HDAC4: variants seen among roughly 807,000 people sequenced by gnomAD.
The protein encoded by HDAC4 is histone deacetylase 4, also known as histone deacetylase A.
In HDAC4, 16 loss-of-function variants were observed where a neutral mutation model predicts 135.1. The observed-to-expected ratio is 0.12, with a 90% CI of 0.08 to 0.18. The LOEUF (loss-of-function observed/expected upper bound fraction) is 0.18. Among genes scored for constraint, HDAC4 ranks in the 10% least tolerant of loss-of-function variants. The pLI is 1.00. For synonymous variants in HDAC4, 685 were observed against 653.4 expected, an observed-to-expected ratio of 1.05 and a Z score of -0.74; for missense variants, 1,143 against 1,511.8, an observed-to-expected ratio of 0.76 and a Z score of 4.05.
At chr2:239,288,966 G>T (rs2051301630) in intron 2 of HDAC4, among the ~76,000 whole-genome samples, 1 of 152,182 alleles carries the variant, frequency 6.6e-6, no homozygotes. Context: ...GAGGAGCTGG[G>T]ACAATTGCAG....
At chr2:239,156,226 C>T (rs1467905919) in intron 7 of HDAC4, among the ~76,000 whole-genome samples, 2 of 152,210 alleles carry the variant, frequency 1.3e-5, no homozygotes, top group African/African-American at 2.4e-5. Context: ...CTCTGGGGAC[C>T]TGGAAGGCCC....
chr2:239,163,139 G>A (rs2152969042), intron 6 of HDAC4, among the ~76,000 whole-genome samples: 1 of 152,230 alleles, frequency 6.6e-6, no homozygotes, highest in Admixed American at 6.5e-5. Flanking sequence ...TCAGTCCTCA[G>A]ACGAACAAGC....
upstream of HDAC4, chr2:239,401,434 C>G (rs1575819285): frequency 2.5e-5 from 4 of 161,782 alleles, no homozygotes; most frequent in African/African-American, 7.2e-5. Flanking sequence ...CCGCTGGGTG[C>G]TTCGCGGTTG....
At chr2:239,179,813 C>T (rs897921552) in intron 4 of HDAC4, among the ~76,000 whole-genome samples, 2 of 152,252 alleles carry the variant, frequency 1.3e-5, no homozygotes, top group East Asian at 1.9e-4. Context: ...GCCCACGCGG[C>T]GTGCTCAGGG....
intron 2 of HDAC4, chr2:239,298,116 A>T: frequency 1.0e-6 from 1 of 966,398 alleles, no homozygotes; most frequent in Non-Finnish European, 1.4e-6. Flanking sequence ...AAAAAAAATT[A>T]ATGGACTAAA....
chr2:239,324,203 T>C (rs959138135), intron 2 of HDAC4, among the ~76,000 whole-genome samples: 3 of 152,108 alleles, frequency 2.0e-5, no homozygotes, highest in Non-Finnish European at 4.4e-5. Flanking sequence ...AATCCTGAAT[T>C]TGAAACCCAA....
At chr2:239,351,666 G>A (rs1436491151) in intron 2 of HDAC4, 7 of 154,394 alleles carry the variant, frequency 4.5e-5, no homozygotes, top group Middle Eastern at 1.0e-3. Flanking sequence ...AGACAAAGAC[G>A]ATTCCACCCA....
rs1455660198 is a variant in HDAC4, at chr2:239,126,568, G to A, written c.1421C>T (p.Pro474Leu). The change falls in exon 12 of 27, where the codon CCG becomes CTG. Residue 474 changes from proline to leucine, a missense_variant. Physicochemically the swap from Pro to Leu is moderately conservative, Grantham distance 98 (BLOSUM62 -3). Coordinates refer to ENST00000543185, the MANE Select transcript of HDAC4 (RefSeq NM_001378414.1). ...CAGAGCCTGGGCGTTCTGGGGCAGCGGGGCCGACTGGGTCCGCCCCAGTGG... is the reference window on the plus strand; with the variant it reads ...CAGAGCCTGGGCGTTCTGGGGCAGCAGGGCCGACTGGGTCCGCCCCAGTGG... ...HRPLGRTQSA[P>L]LPQNAQALQH... 6.2e-7 allele frequency: 1 copy of A among 1,613,806 alleles called. No homozygotes were observed. The highest frequency in any genetic ancestry group is 8.5e-7 in the Non-Finnish European group (1 of 1,179,972).
Position 239,068,629 on chromosome 2 carries a change from G to A in HDAC4, c.2751-22C>T, listed in dbSNP as rs374681513. ...CGTTCTGCAAAGGACAGGAGAAGGCGTTACTGGGTCAGCTGAAAGAGGGAC... is the reference window on the plus strand; with the variant it reads ...CGTTCTGCAAAGGACAGGAGAAGGCATTACTGGGTCAGCTGAAAGAGGGAC... On this transcript the variant is annotated intron_variant, in intron 22 of 26. Transcript: ENST00000543185. This position sits in a 1 kb window ranked among gnomAD's most constrained non-coding sequence, Gnocchi z 4.4. 53 of 1,589,220 alleles carry A rather than the reference G, an allele frequency of 3.3e-5. No homozygotes were observed. The highest frequency in any genetic ancestry group is 6.7e-5 in the African/African-American group (5 of 74,462).
At chr2:239,156,474 T>C (rs1442833822) in intron 7 of HDAC4, among the ~76,000 whole-genome samples, 178 bp downstream of exon 7, 2 of 152,232 alleles carry the variant, frequency 1.3e-5, no homozygotes, top group South Asian at 2.1e-4. Context: ...AAATAAATAA[T>C]AAGGAAATGT....
At position 239,050,198 on chromosome 2, in the gene HDAC4, C is replaced by T. The variant is rs2030626117; in HGVS notation, c.*2899G>A. 1 of 152,510 alleles carries T rather than the reference C, an allele frequency of 6.6e-6. No homozygotes were observed. Among genetic ancestry groups the T allele is most frequent in the Non-Finnish European group, 1.5e-5 (1 of 68,086 alleles). The allele number at this position is 152,510 out of a possible 1,614,324, so 9.4% of individuals were successfully genotyped here. The stretch of plus-strand genomic sequence containing the variant: ...GACAGATGAAACGTGCCTCCCCCTG[C>T]CAGGCCTTTGCAGAGGGCGTCTCCA... On this transcript the variant is annotated 3_prime_UTR_variant, in exon 27 of 27. Transcript: ENST00000543185.
chr2:239,276,372 G>C (rs2050366005), intron 2 of HDAC4, among the ~76,000 whole-genome samples: 1 of 152,246 alleles, frequency 6.6e-6, no homozygotes, highest in African/African-American at 2.4e-5. Flanking sequence ...CCAGCTCCCT[G>C]TGTCTGGACC....
chr2:239,369,077 G>C (rs532202957), intron 1 of HDAC4, among the ~76,000 whole-genome samples: 2 of 152,152 alleles, frequency 1.3e-5, no homozygotes, highest in African/African-American at 4.8e-5. Context: ...ACAGGCAGTG[G>C]ACAGGCTCGC....
At chr2:239,070,284 G>A (rs948875769) in intron 22 of HDAC4, among the ~76,000 whole-genome samples, 6 of 152,170 alleles carry the variant, frequency 3.9e-5, no homozygotes, top group Non-Finnish European at 8.8e-5. Flanking sequence ...ATCTTTAAAG[G>A]GAAAACTGAT....
intron 1 of HDAC4, among the ~76,000 whole-genome samples, chr2:239,354,967 TC>T (rs1298822991): frequency 6.6e-6 from 1 of 152,028 alleles, no homozygotes; most frequent in Non-Finnish European, 1.5e-5. Context: ...TGGATGTCAT[TC>T]CCCCCTCAAC....
chr2:239,254,701 TG>T (rs1559290012), intron 2 of HDAC4, among the ~76,000 whole-genome samples: 1 of 152,056 alleles, frequency 6.6e-6, no homozygotes, highest in Non-Finnish European at 1.5e-5. Context: ...TCCTAAAGAA[TG>T]GAAAAAATGT....
In HDAC4 at chr2:239,358,595, C is replaced by T. The variant is rs141478486; in HGVS notation, c.-219-5677G>A. Among the ~76,000 whole-genome samples, 13 of 152,286 alleles carry T rather than the reference C, an allele frequency of 8.5e-5. No individual in the cohort carries two copies. In the East Asian group the frequency reaches 1.7e-3, roughly 20 times the overall value. ...CACGCAGGGCCCTCTCAGCAGGCAG[C>T]GCGCGTAGGGACTCACTCACACCTC... On this transcript the variant is annotated intron_variant, in intron 1 of 26. Transcript: ENST00000543185.
intron 2 of HDAC4, among the ~76,000 whole-genome samples, chr2:239,310,400 G>A (rs758124080): frequency 1.1e-4 from 17 of 152,120 alleles, no homozygotes; most frequent in African/African-American, 2.9e-4. Context: ...GCTCCCCCCC[G>A]AACCAAGTAT....
intron 6 of HDAC4, chr2:239,162,238 C>T (rs761852118): frequency 4.0e-4 from 181 of 456,536 alleles, no homozygotes; most frequent in Admixed American, 2.3e-4. Context: ...TCTCAAAGCT[C>T]GCTTGCTCGG....
Sources: allele counts gnomAD v4.1 joint callset (sites outside exome capture counted in the v4.1 genomes callset), GRCh38; gene constraint gnomAD v4.1.1; non-coding constraint Gnocchi (gnomAD v3.1); transcripts MANE v1.5; gene names NCBI Gene and HGNC (gene_info 2026-07-23, HGNC 2026-07-21).